Variants in PCDHA4 observed in about 807,000 individuals in gnomAD.
PCDHA4 encodes the protein protocadherin alpha-4.
PCDHA4 carries 49 observed loss-of-function variants against 61.4 expected under a neutral mutation model. That is an observed-to-expected ratio of 0.80 (90% confidence interval 0.63 to 1.01). The LOEUF is 1.01. Among genes scored for constraint, PCDHA4 ranks in the 50% least tolerant of loss-of-function variants. The pLI, the probability that PCDHA4 is intolerant of heterozygous loss-of-function variation, is 0.00. For missense variants in PCDHA4, 1,254 were observed against 1,235.8 expected (o/e 1.01, Z -0.22); for synonymous variants, 590 against 550.3 (o/e 1.07, Z -1.01).
chr5:141,009,938 G>T lies in PCDHA4; in HGVS notation c.*1G>T, dbSNP rs781826815. The T allele has an allele frequency of 6.6e-5, 106 of 1,600,570 alleles. No individual in the cohort carries two copies. The highest frequency in any genetic ancestry group is 8.9e-5 in the Non-Finnish European group (105 of 1,175,516). ...CACGACTGACAACAGTGACCAGTGA[G>T]GTCCTCAAATGGAAACAAGCCACTT... On this transcript the variant is annotated 3_prime_UTR_variant, in exon 4 of 4. Coordinates refer to ENST00000530339, the MANE Select transcript of PCDHA4 (RefSeq NM_018907.4).
At chr5:140,838,830 G>A (rs562018210) in intron 1 of PCDHA4, among the ~76,000 whole-genome samples, 1 of 151,882 alleles carries the variant, frequency 6.6e-6, no homozygotes, top group African/African-American at 2.4e-5. Context: ...ACTGAGGTGG[G>A]AGGATCACTT....
chr5:140,916,559 G>C (rs1170876334), intron 1 of PCDHA4, among the ~76,000 whole-genome samples: 2 of 152,224 alleles, frequency 1.3e-5, no homozygotes, highest in African/African-American at 4.8e-5. Flanking sequence ...TATTTGTCCA[G>C]GGTGTGTCTA....
At chr5:140,835,855 C>A in intron 1 of PCDHA4, 2 of 1,612,246 alleles carry the variant, frequency 1.2e-6, no homozygotes, top group Non-Finnish European at 1.7e-6. Flanking sequence ...GCGCTGGTGT[C>A]CTACTCGCTG....
intron 1 of PCDHA4, among the ~76,000 whole-genome samples, chr5:140,846,921 G>T (rs1780756664): frequency 6.7e-6 from 1 of 149,554 alleles, no homozygotes. Context: ...TTTCCTATTT[G>T]AATTTTTGAA....
At chr5:140,823,642 G>T (rs138093911) in intron 1 of PCDHA4, 6 of 1,614,036 alleles carry the variant, frequency 3.7e-6, no homozygotes, top group Non-Finnish European at 5.1e-6. Context: ...CCCGTTCCGC[G>T]TGGGGCTGTA....
chr5:140,846,457 C>T lies in PCDHA4; in HGVS notation c.2385+36885C>T, dbSNP rs111351744. Among the ~76,000 whole-genome samples the T allele has an allele frequency of 5.2e-3, 745 of 144,004 alleles. 43 individuals carry two copies. The highest frequency in any genetic ancestry group is 0.018 in the African/African-American group (687 of 39,152). 94.5% of individuals were successfully genotyped at this position (144,004 alleles called of 152,430 possible). On this transcript the variant is annotated intron_variant, in intron 1 of 3. Coordinates refer to ENST00000530339, the MANE Select transcript of PCDHA4 (RefSeq NM_018907.4). ...TGGCGCAATCTCGGCTCACTGCAAC[C>T]TCTGCCTCCCGGGTTCAAATGATTC...
In PCDHA4 at chr5:140,857,497, G is replaced by A. The variant is rs1473016176; in HGVS notation, c.2385+47925G>A. On this transcript the variant is annotated intron_variant, in intron 1 of 3. Coordinates refer to ENST00000530339, the MANE Select transcript of PCDHA4 (RefSeq NM_018907.4). ...CGGTGTCTGCGTGGGACGCGGACGCGCAGGAGAACGCCCTGGTGTCCTACT... is the reference window on the plus strand; with the variant it reads ...CGGTGTCTGCGTGGGACGCGGACGCACAGGAGAACGCCCTGGTGTCCTACT... 10 of 1,598,262 alleles carry A rather than the reference G, an allele frequency of 6.3e-6. 1 individual carries two copies. Among genetic ancestry groups the A allele is most frequent in the Non-Finnish European group, 8.6e-6 (10 of 1,167,792 alleles).
chr5:140,811,692 C>T (rs1554125797), intron 1 of PCDHA4: 1 of 152,186 alleles, frequency 6.6e-6, no homozygotes, highest in East Asian at 1.9e-4. Context: ...GATTGCCATT[C>T]TAACTGGTGT....
At chr5:141,004,449 A>G (rs2098166973) in intron 3 of PCDHA4, among the ~76,000 whole-genome samples, 1 of 152,180 alleles carries the variant, frequency 6.6e-6, no homozygotes. Flanking sequence ...GTCATATAGA[A>G]CCAGGAAGCT....
chr5:140,855,793 C>T (rs1383581085), intron 1 of PCDHA4: 1 of 456,918 alleles, frequency 2.2e-6, no homozygotes, highest in East Asian at 3.3e-5. Flanking sequence ...AAAGAATTAA[C>T]ATATGAATGA....
At chr5:140,917,014 T>C (rs1272670553) in intron 1 of PCDHA4, among the ~76,000 whole-genome samples, 1 of 152,168 alleles carries the variant, frequency 6.6e-6, no homozygotes, top group Non-Finnish European at 1.5e-5. Context: ...TCTCCCTTCA[T>C]GTGCAGCTGC....
chr5:140,982,357 A>G, intron 2 of PCDHA4, 118 bp from the exon 3 acceptor site: 1 of 1,520,660 alleles, frequency 6.6e-7, no homozygotes. Flanking sequence ...TTCAAGCATG[A>G]GCAGAATGTG....
chr5:140,809,746 C>T (rs546694541), intron 1 of PCDHA4, 174 bp downstream of exon 1: 347 of 665,552 alleles, frequency 5.2e-4, no homozygotes, highest in Middle Eastern at 8.3e-4. Flanking sequence ...TATATATTGC[C>T]TTCCTTCATT....
chr5:140,884,604 G>A lies in PCDHA4; in HGVS notation c.2385+75032G>A. The A allele has an allele frequency of 1.2e-6, 2 of 1,614,140 alleles. 1 individual carries two copies. Among genetic ancestry groups the A allele is most frequent in the Middle Eastern group, 3.3e-4 (2 of 6,062 alleles). On this transcript the variant is annotated intron_variant, in intron 1 of 3. Coordinates refer to ENST00000530339, the MANE Select transcript of PCDHA4 (RefSeq NM_018907.4). Reference sequence around the variant, plus strand: ...GCCTTCAGTCCCAGCCTTCCTCCTTGTCTGGGTTCTGCAGAGGGAACAGGC... The same window carrying A: ...GCCTTCAGTCCCAGCCTTCCTCCTTATCTGGGTTCTGCAGAGGGAACAGGC...
At chr5:140,829,927 G>A in intron 1 of PCDHA4, 3 of 1,614,016 alleles carry the variant, frequency 1.9e-6, no homozygotes, top group Non-Finnish European at 2.5e-6. Context: ...ATGAGCTGCA[G>A]CCCCCGGCAA....
intron 1 of PCDHA4, chr5:140,814,561 GTAT>G (rs1554126547): frequency 6.6e-6 from 1 of 151,692 alleles, no homozygotes; most frequent in Non-Finnish European, 1.5e-5. Flanking sequence ...TCTGTATCAA[GTAT>G]TATGTACTGT....
Position 140,849,938 on chromosome 5 carries a change from C to A in PCDHA4, c.2385+40366C>A. The A allele has an allele frequency of 2.5e-6, 4 of 1,598,014 alleles. 1 individual carries two copies. Among genetic ancestry groups the A allele is most frequent in the Non-Finnish European group, 3.4e-6 (4 of 1,167,752 alleles). On this transcript the variant is annotated intron_variant, in intron 1 of 3. Transcript: ENST00000530339. ...ACATCTTCACGGTGTCTGCGCGGGACGCTGACGCGCAGGAGAACGCCCTGG... is the reference window on the plus strand; with the variant it reads ...ACATCTTCACGGTGTCTGCGCGGGAAGCTGACGCGCAGGAGAACGCCCTGG...
At chr5:140,823,177 C>T (rs2150123173) in intron 1 of PCDHA4, 4 of 1,613,900 alleles carry the variant, frequency 2.5e-6, no homozygotes, top group Non-Finnish European at 3.4e-6. Context: ...GGAGAACAAC[C>T]CGCCAGGCTG....
chr5:140,980,058 A>C (rs1554241393), intron 2 of PCDHA4, among the ~76,000 whole-genome samples: 1 of 152,254 alleles, frequency 6.6e-6, no homozygotes, highest in Non-Finnish European at 1.5e-5. Context: ...ATTCAGAAGC[A>C]ATCAGTGAAG....
Sources: gnomAD v4.1 joint callset for allele counts (sites outside exome capture counted in the v4.1 genomes callset) on GRCh38, gnomAD v4.1.1 for gene constraint, MANE v1.5 for transcripts, NCBI Gene and HGNC (gene_info 2026-07-23, HGNC 2026-07-21) for gene names.